The following ANK3 variants were observed in gnomAD, a reference collection of about 807,000 sequenced individuals.
ANK3 encodes the protein ankyrin 3.
Under a neutral mutation model 370.9 loss-of-function variants are expected in ANK3, and 57 were observed. That is an observed-to-expected ratio of 0.15 (90% CI 0.12 to 0.19). The LOEUF is 0.19. ANK3 is among the 10% of genes least tolerant of loss of function. ANK3 has a pLI of 1.00. For missense variants in ANK3, 4,439 were observed against 5,302.1 expected, an observed-to-expected ratio of 0.84 and a Z score of 5.06; for synonymous variants, 1,929 against 1,946.3, an observed-to-expected ratio of 0.99 and a Z score of 0.23.
intron 25 of ANK3, among the ~76,000 whole-genome samples, chr10:60,121,837 T>C (rs956824934): frequency 6.6e-6 from 1 of 152,214 alleles, no homozygotes; most frequent in Non-Finnish European, 1.5e-5. Context: ...CTTGAGGTGA[T>C]AGATACCCCA....
In ANK3 at chr10:60,069,276, C is replaced by A. The variant is rs201163929; in HGVS notation, c.11605G>T (p.Ala3869Ser). The change falls in exon 37 of 44, where the codon GCC (alanine) becomes TCC (serine). Residue 3869 changes from alanine to serine, a missense_variant. Physicochemically the swap from Ala to Ser is moderately conservative, Grantham distance 99 (BLOSUM62 1). Around this residue, in one of 13 missense-constraint regions of ANK3, gnomAD observed 496 missense variants for 529.3 expected, o/e 0.94. Coordinates refer to ENST00000280772, the MANE Select transcript of ANK3 (RefSeq NM_020987.5). The part of the protein sequence containing the change: ...IRQKSKLPIK[A>S]TSPKDTFPPN... ...GGGAAGGTATCTTTTGGTGAAGTGG[C>A]CTTTATGGGAAGTTTGGATTTTTGC... The A allele has an allele frequency of 6.2e-7, 1 of 1,613,978 alleles. No homozygotes were observed. Among genetic ancestry groups the A allele is most frequent in the Non-Finnish European group, 8.5e-7 (1 of 1,179,976 alleles).
intron 2 of ANK3, among the ~76,000 whole-genome samples, chr10:60,566,704 C>A (rs1364333068): frequency 6.6e-6 from 1 of 152,136 alleles, no homozygotes; most frequent in African/African-American, 2.4e-5. Context: ...GAGACCTCAT[C>A]TCCACACACA....
At chr10:60,664,887 G>A (rs2078977711) in intron 1 of ANK3, among the ~76,000 whole-genome samples, 1 of 152,150 alleles carries the variant, frequency 6.6e-6, no homozygotes, top group Non-Finnish European at 1.5e-5. Context: ...TAAAATGTGA[G>A]GGATTTAAAT....
At chr10:60,076,635 A>C (rs2083893140) in intron 36 of ANK3, among the ~76,000 whole-genome samples, 187 bp from the exon 37 acceptor site, 1 of 138,866 alleles carries the variant, frequency 7.2e-6, no homozygotes, top group African/African-American at 2.7e-5. Flanking sequence ...ATTTCTACAG[A>C]CATAACTAAT....
chr10:60,297,089 G>A (rs545616586), intron 1 of ANK3, among the ~76,000 whole-genome samples: 1 of 152,332 alleles, frequency 6.6e-6, no homozygotes, highest in South Asian at 2.1e-4. Flanking sequence ...ACAGAAGTAT[G>A]TAAATTTACA....
intron 1 of ANK3, among the ~76,000 whole-genome samples, chr10:60,692,647 A>G (rs968224960): frequency 3.3e-5 from 5 of 152,182 alleles, no homozygotes; most frequent in African/African-American, 9.6e-5. Flanking sequence ...ACTCCAAATA[A>G]AGGGACAATT....
At chr10:60,101,863 T>C (rs3793858) in intron 28 of ANK3, among the ~76,000 whole-genome samples, 41,034 of 152,022 alleles carry the variant, frequency 0.27, 6,854 homozygotes, top group Non-Finnish European at 0.37. Context: ...TCATTAGTAA[T>C]GGACAACTTA....
At chr10:60,535,447 G>A (rs555892934) in intron 2 of ANK3, among the ~76,000 whole-genome samples, 3 of 152,156 alleles carry the variant, frequency 2.0e-5, no homozygotes, top group African/African-American at 4.8e-5. Context: ...TGAAGAGATC[G>A]TTATTTTCCC....
At chr10:60,082,946 G>A (rs994665047) in intron 33 of ANK3, among the ~76,000 whole-genome samples, 1 of 152,196 alleles carries the variant, frequency 6.6e-6, no homozygotes, top group Non-Finnish European at 1.5e-5. Context: ...ACGCAGGATT[G>A]TTGTGTCTGA....
intron 1 of ANK3, among the ~76,000 whole-genome samples, chr10:60,627,869 A>G (rs913286007): frequency 2.4e-4 from 36 of 152,120 alleles, no homozygotes; most frequent in Non-Finnish European, 4.1e-4. Flanking sequence ...TGTTATCTTC[A>G]TTATACGAAT....
intron 23 of ANK3, 53 bp downstream of exon 23, chr10:60,166,538 A>T: frequency 2.3e-6 from 3 of 1,319,400 alleles, no homozygotes; most frequent in Non-Finnish European, 3.3e-6. Flanking sequence ...ATAAGAAATG[A>T]AAGATAAAGT....
chr10:60,409,200 A>C (rs769508261), intron 2 of ANK3, among the ~76,000 whole-genome samples: 1 of 152,212 alleles, frequency 6.6e-6, no homozygotes, highest in African/African-American at 2.4e-5. Flanking sequence ...CCTTCATGCC[A>C]CGTATTATCA....
Position 60,555,172 on chromosome 10 carries a change from A to G in ANK3, c.96+60014T>C, listed in dbSNP as rs1396323028. ...TTTTATTGGAATATATCCTATTAGA[A>G]TTGAAATTACAAAACTTGGCCAGGC... On this transcript the variant is annotated intron_variant, in intron 2 of 43. Transcript: ENST00000373827. Among the ~76,000 whole-genome samples the G allele has an allele frequency of 2.0e-5, 3 of 152,198 alleles. No individual in the cohort carries two copies. The East Asian group carries it at 5.8e-4, about 29-fold the overall frequency.
rs138401017 is a variant in ANK3, at chr10:60,170,304, A to G, written c.2478+2004T>C. Among the ~76,000 whole-genome samples, 1,469 of 152,350 alleles carry G rather than the reference A, an allele frequency of 9.6e-3. 20 individuals are homozygous for G. The highest frequency in any genetic ancestry group is 0.033 in the African/African-American group (1,370 of 41,588). ...TTTTGAAAAACTGAAGTCTGTTTAT[A>G]GAGTCAATGGCTGCTGGAGTCCCAG... On this transcript the variant is annotated intron_variant, in intron 21 of 43. Coordinates refer to ENST00000280772, the MANE Select transcript of ANK3 (RefSeq NM_020987.5).
Position 60,074,851 on chromosome 10 carries a change from TGGA to T in ANK3, c.6027_6029del (p.Pro2010del). 10 of 1,613,704 alleles carry T rather than the reference TGGA, an allele frequency of 6.2e-6. No individual in the cohort carries two copies. The highest frequency in any genetic ancestry group is 8.5e-6 in the Non-Finnish European group (10 of 1,179,910). On this transcript the variant is annotated inframe_deletion, in exon 37 of 44. Transcript: ENST00000280772. ...TTACTTGCACTCTCTCTGGCAGAGA[TGGA>T]GACTGGCTCGCAGCAGCTTGTTGTC... is the stretch of plus-strand genomic sequence containing the variant.
At chr10:60,226,490 C>CATATACTATGTATATATACATAGTAT (rs2097150275) in intron 8 of ANK3, among the ~76,000 whole-genome samples, 2 of 63,412 alleles carry the variant, frequency 3.2e-5, no homozygotes, top group Non-Finnish European at 2.5e-5. Context: ...TATATATATA[C>CATATACTATGTATATATACATAGTAT]ATATACTATA....
At chr10:60,679,181 C>T (rs1197639857) in intron 1 of ANK3, among the ~76,000 whole-genome samples, 1 of 152,040 alleles carries the variant, frequency 6.6e-6, no homozygotes, top group African/African-American at 2.4e-5. Flanking sequence ...ACAGGGCAGG[C>T]AAAGAGCTTA....
intron 2 of ANK3, among the ~76,000 whole-genome samples, chr10:60,504,313 T>C (rs2075877580): frequency 6.6e-6 from 1 of 152,168 alleles, no homozygotes; most frequent in Non-Finnish European, 1.5e-5. Context: ...GACTGGCCAT[T>C]GACAGTTTAT....
chr10:60,415,264 C>T (rs1194262197), intron 2 of ANK3, among the ~76,000 whole-genome samples: 1 of 152,118 alleles, frequency 6.6e-6, no homozygotes, highest in African/African-American at 2.4e-5. Flanking sequence ...ATCATGCCTC[C>T]GTTATTCCCA....
Sources: allele counts gnomAD v4.1 joint callset (sites outside exome capture counted in the v4.1 genomes callset), GRCh38; gene constraint gnomAD v4.1.1; regional missense constraint gnomAD v4.1.1; transcripts MANE v1.5; gene names NCBI Gene and HGNC (gene_info 2026-07-23, HGNC 2026-07-21).